The following NBPF26 variants were observed in gnomAD, a reference collection of about 807,000 sequenced individuals.
NBPF26 encodes the protein NBPF family member NBPF26.
In NBPF26, 79 loss-of-function variants were observed where a neutral mutation model predicts 119.6. The observed-to-expected ratio is 0.66, with a 90% confidence interval of 0.55 to 0.80. NBPF26 has a LOEUF of 0.80. NBPF26 is among the 30% of genes least tolerant of loss of function. NBPF26 has a pLI of 0.00. For synonymous variants in NBPF26, 299 were observed against 457.7 expected (o/e 0.65, Z 4.43); for missense variants, 800 against 1,198.2 (o/e 0.67, Z 4.91).
intron 4 of NBPF26, 76 bp from the exon 5 acceptor site, chr1:120,805,480 A>G: frequency 1.5e-6 from 2 of 1,348,278 alleles, no homozygotes; most frequent in South Asian, 1.2e-5. Flanking sequence ...AGTTACTGAC[A>G]TCCCTCAGTC....
In NBPF26 at chr1:120,840,316, C is replaced by G; in HGVS notation, c.4104-34C>G. 7 of 1,444,326 alleles carry G rather than the reference C, an allele frequency of 4.8e-6. 2 individuals are homozygous for G. The highest frequency in any genetic ancestry group is 6.5e-6 in the Non-Finnish European group (7 of 1,082,594). 89.5% of individuals were successfully genotyped at this position (1,444,326 alleles called of 1,614,324 possible). ...GGGGCTCTGTGGTGTCCGATTTTCC[C>G]TGGCTGCTTCTTTAGTTTTGTCTCC... On this transcript the variant is annotated intron_variant, in intron 29 of 29. Transcript: ENST00000620612.
At position 120,785,365 on chromosome 1, in the gene NBPF26, C is replaced by A; in HGVS notation, c.415+132C>A. On this transcript the variant is annotated intron_variant, in intron 3 of 29. Transcript: ENST00000620612. ...GCACATTTAACATTATGATAAGGAA[C>A]TGGGATGTTCCAGACAACTATCCCT... The A allele has an allele frequency of 1.5e-5, 9 of 603,300 alleles. 3 individuals are homozygous for A. Among genetic ancestry groups the A allele is most frequent in the Non-Finnish European group, 2.5e-5 (9 of 364,408 alleles). The allele number at this position is 603,300 out of a possible 1,614,324, so 37.4% of individuals were successfully genotyped here.
At chr1:120,752,558 T>A (rs1363073692) in intron 1 of NBPF26, among the ~76,000 whole-genome samples, 94 of 15,658 alleles carry the variant, frequency 6.0e-3, no homozygotes, top group African/African-American at 0.037. Flanking sequence ...ATATATATTT[T>A]TTTTTTTTTT....
intron 5 of NBPF26, among the ~76,000 whole-genome samples, chr1:120,806,989 T>C (rs1448795577): frequency 7.8e-6 from 1 of 128,762 alleles, no homozygotes; most frequent in Non-Finnish European, 1.6e-5. Context: ...CTTATGCTGT[T>C]TCTAAATTAA....
At chr1:120,812,015 A>G in exon 10 of NBPF26, 1 of 1,292,378 alleles carries the variant, frequency 7.7e-7, no homozygotes, top group South Asian at 1.3e-5. Context: ...GCAGAGAAGA[A>G]ACAGCAGTTC....
At chr1:120,807,429 G>T (rs1362532477) in intron 5 of NBPF26, among the ~76,000 whole-genome samples, 178 bp from the exon 6 acceptor site, 1 of 120,700 alleles carries the variant, frequency 8.3e-6, no homozygotes, top group Non-Finnish European at 1.7e-5. Context: ...TTAAATTTTG[G>T]AGGATCAGAT....
rs1651856887 is a variant in NBPF26 at position 120,811,224 on chromosome 1, G to A, written c.1565-662G>A. On this transcript the variant is annotated intron_variant, in intron 9 of 29. Transcript: ENST00000620612. ...GATTGTGCCACTGCACTCCAGCCTGGGAGACAGAGCGAGACTCCATCTCAA... is the reference window on the plus strand; with the variant it reads ...GATTGTGCCACTGCACTCCAGCCTGAGAGACAGAGCGAGACTCCATCTCAA... 1.9e-5 allele frequency among the ~76,000 whole-genome samples: 2 copies of A among 104,420 alleles called. 1 individual carries two copies. Among genetic ancestry groups the A allele is most frequent in the African/African-American group, 1.2e-4 (2 of 16,906 alleles). The allele number at this position is 104,420 out of a possible 152,430, so 68.5% of individuals were successfully genotyped here. A position where few individuals can be genotyped will look rare whatever the true frequency, so the allele number is the denominator to read the frequency against.
intron 2 of NBPF26, among the ~76,000 whole-genome samples, chr1:120,768,755 TAA>T (rs1361009429): frequency 1.2e-5 from 1 of 83,814 alleles, no homozygotes; most frequent in Non-Finnish European, 2.1e-5. Context: ...TAGTCTGATA[TAA>T]GTTACTCTGC....
At chr1:120,812,930 TAATAATAATAATA>T (rs1321128702) in intron 10 of NBPF26, among the ~76,000 whole-genome samples, 1 of 14,026 alleles carries the variant, frequency 7.1e-5, no homozygotes, top group African/African-American at 4.4e-4. Context: ...AAAATAATAA[TAATAATAATAATA>T]ATAATAATAA....
Position 120,782,689 on chromosome 1 carries a change from TTTA to T in NBPF26, c.156-2282_156-2280del, listed in dbSNP as rs1336680391. ...TATTTCATTTATGGATATACCACAT[TTTA>T]TTTATCTGTTCATCAGCTTATAGGC... On this transcript the variant is annotated intron_variant, in intron 2 of 29. Coordinates refer to ENST00000620612, the Ensembl canonical transcript of NBPF26. Among the ~76,000 whole-genome samples the T allele has an allele frequency of 4.8e-3, 444 of 92,536 alleles. 93 individuals carry two copies. Among genetic ancestry groups the T allele is most frequent in the African/African-American group, 0.031 (429 of 13,930 alleles). The allele number at this position is 92,536 out of a possible 152,430, so 60.7% of individuals were successfully genotyped here.
intron 8 of NBPF26, among the ~76,000 whole-genome samples, 184 bp from the exon 9 acceptor site, chr1:120,810,163 T>G (rs1651823528): frequency 8.3e-6 from 1 of 121,180 alleles, no homozygotes; most frequent in Admixed American, 7.7e-5. Context: ...CCTCTCTGGC[T>G]CCCATGGCAG....
chr1:120,762,526 G>A (rs1651145567), intron 1 of NBPF26, among the ~76,000 whole-genome samples: 1 of 114,854 alleles, frequency 8.7e-6, no homozygotes, highest in Non-Finnish European at 1.7e-5. Context: ...ACTTGGAGGG[G>A]GGAACTTCTC....
chr1:120,788,069 G>T (rs1469375717), intron 3 of NBPF26, among the ~76,000 whole-genome samples: 1 of 67,456 alleles, frequency 1.5e-5, no homozygotes, highest in Non-Finnish European at 2.5e-5. Flanking sequence ...ATTCATCCAG[G>T]CGGGACCATT....
In NBPF26 at chr1:120,806,925, G is replaced by C; in HGVS notation, c.962-682G>C. Among the ~76,000 whole-genome samples, 2 of 125,694 alleles carry C rather than the reference G, an allele frequency of 1.6e-5. 1 individual carries two copies. Among genetic ancestry groups the C allele is most frequent in the Non-Finnish European group, 3.2e-5 (2 of 61,748 alleles). 82.5% of individuals were successfully genotyped at this position (125,694 alleles called of 152,430 possible). ...ATCTCCTTGAACATTAATTGGCACA[G>C]TGTAAACACTATCTATTCTTCATTC... On this transcript the variant is annotated intron_variant, in intron 5 of 29. Transcript: ENST00000620612.
chr1:120,805,097 T>A (rs1651648611), intron 4 of NBPF26, among the ~76,000 whole-genome samples: 1 of 123,940 alleles, frequency 8.1e-6, no homozygotes, highest in Non-Finnish European at 1.6e-5. Flanking sequence ...CTTAGATGTA[T>A]TGGGAAAGAC....
rs1232195977 is a variant in NBPF26, at chr1:120,810,889, T to C, written c.1564+331T>C. On this transcript the variant is annotated intron_variant, in intron 9 of 29. Transcript: ENST00000620612. ...GGATGGGCTGAGATGATCCTCCCAC[T>C]CTAATTCACTTCTGTCAGGCTAGAC... Among the ~76,000 whole-genome samples the C allele has an allele frequency of 1.3e-4, 14 of 107,974 alleles. 2 individuals are homozygous for C. The highest frequency in any genetic ancestry group is 5.0e-4 in the African/African-American group (9 of 17,860). The allele number at this position is 107,974 out of a possible 152,430, so 70.8% of individuals were successfully genotyped here.
chr1:120,784,866 T>C lies in NBPF26; in HGVS notation c.156-108T>C. ...TTTATAGGTGGTACTTGTAGGTCTG[T>C]TGATTCACAATCTCGTGCTTTCTTG... is the stretch of plus-strand genomic sequence containing the variant. On this transcript the variant is annotated intron_variant, in intron 2 of 29. Transcript: ENST00000620612. 6 of 1,054,030 alleles carry C rather than the reference T, an allele frequency of 5.7e-6. 1 individual carries two copies. Among genetic ancestry groups the C allele is most frequent in the Non-Finnish European group, 8.1e-6 (6 of 743,820 alleles). The allele number at this position is 1,054,030 out of a possible 1,614,324, so 65.3% of individuals were successfully genotyped here.
chr1:120,840,624 C>T (rs1553273600), downstream of NBPF26: 3 of 1,455,414 alleles, frequency 2.1e-6, no homozygotes, highest in Admixed American at 3.7e-5. Flanking sequence ...AGGTGTCATT[C>T]CTGCAGGCAG....
Position 120,805,099 on chromosome 1 carries a change from G to C in NBPF26, c.752-457G>C, listed in dbSNP as rs1651648722. ...AGTGAGGAATATGCTTAGATGTATT[G>C]GGAAAGACACGGGTCTGTGGCATTG... On this transcript the variant is annotated intron_variant, in intron 4 of 29. Transcript: ENST00000620612. Among the ~76,000 whole-genome samples the C allele has an allele frequency of 1.6e-5, 2 of 124,158 alleles. 1 individual carries two copies. Among genetic ancestry groups the C allele is most frequent in the Admixed American group, 1.5e-4 (2 of 12,922 alleles). The allele number at this position is 124,158 out of a possible 152,430, so 81.5% of individuals were successfully genotyped here.
Sources: allele counts gnomAD v4.1 joint callset (sites outside exome capture counted in the v4.1 genomes callset), GRCh38; gene constraint gnomAD v4.1.1; transcripts MANE v1.5; gene names NCBI Gene and HGNC (gene_info 2026-07-23, HGNC 2026-07-21).